Variants in CSMD1 observed in about 807,000 individuals in gnomAD.
CSMD1 encodes the protein CUB and Sushi multiple domains 1.
Under a neutral mutation model 417.5 loss-of-function variants are expected in CSMD1, and 213 were observed. That is an observed-to-expected ratio of 0.51 (90% confidence interval 0.46 to 0.57). The LOEUF is 0.57. CSMD1 is among the 20% of genes least tolerant of loss of function. CSMD1 has a pLI of 0.00. For synonymous variants in CSMD1, 2,862 were observed against 1,736.8 expected (o/e 1.65, Z -16.11); for missense variants, 6,923 against 4,529.7 (o/e 1.53, Z -15.17).
chr8:3,975,638 G>A (rs1043122177), intron 5 of CSMD1, among the ~76,000 whole-genome samples: 10 of 152,152 alleles, frequency 6.6e-5, no homozygotes, highest in Admixed American at 3.3e-4. Context: ...GCCTGTAGGT[G>A]CCCAGCAGTG....
intron 7 of CSMD1, among the ~76,000 whole-genome samples, chr8:3,618,471 G>GTT (rs141443972): frequency 0.046 from 6,931 of 151,666 alleles, 191 homozygotes; most frequent in Middle Eastern, 0.078. Context: ...TTTAAAATAA[G>GTT]TTTTTTTTAA....
Position 4,860,155 on chromosome 8 carries a change from G to C in CSMD1, c.85+134177C>G, listed in dbSNP as rs529670436. Among the ~76,000 whole-genome samples the C allele has an allele frequency of 8.7e-5, 13 of 149,366 alleles. No individual in the cohort carries two copies. In the Admixed American group the frequency reaches 8.8e-4, roughly 10 times the overall value. ...AAATCATCATTCTCAGTAAACTATC[G>C]CAAGAACAAAAAACCAAACACCGCA... On this transcript the variant is annotated intron_variant, in intron 1 of 69. Coordinates refer to ENST00000635120, the MANE Select transcript of CSMD1 (RefSeq NM_033225.6).
At chr8:4,076,899 C>A (rs1322261160) in intron 3 of CSMD1, among the ~76,000 whole-genome samples, 3 of 152,120 alleles carry the variant, frequency 2.0e-5, no homozygotes, top group Admixed American at 6.6e-5. Context: ...TGAAGAACTA[C>A]TGAAATTTTG....
At chr8:3,884,942 T>C (rs2129123507) in intron 5 of CSMD1, among the ~76,000 whole-genome samples, 1 of 149,200 alleles carries the variant, frequency 6.7e-6, no homozygotes, top group African/African-American at 2.5e-5. Context: ...CATATATATA[T>C]ATACACACAC....
intron 2 of CSMD1, among the ~76,000 whole-genome samples, chr8:4,518,533 G>T (rs62479720): frequency 6.7e-6 from 1 of 149,304 alleles, no homozygotes; most frequent in African/African-American, 2.5e-5. Context: ...ACCAAACACC[G>T]CGTGCTCTCA....
At chr8:3,493,754 T>G in intron 10 of CSMD1, 28 bp from the exon 11 acceptor site, 1 of 1,562,940 alleles carries the variant, frequency 6.4e-7, no homozygotes, top group South Asian at 1.2e-5. Context: ...AACAGTGACT[T>G]AGAACAACAG....
intron 2 of CSMD1, among the ~76,000 whole-genome samples, chr8:4,575,612 G>A (rs1799101018): frequency 2.6e-5 from 4 of 152,196 alleles, no homozygotes; most frequent in Admixed American, 2.6e-4. Context: ...TGGTAGACAT[G>A]TGGCTCAGTG....
intron 1 of CSMD1, among the ~76,000 whole-genome samples, chr8:4,967,410 A>C (rs568965201): frequency 1.3e-5 from 2 of 152,272 alleles, no homozygotes; most frequent in East Asian, 3.9e-4. Flanking sequence ...ACATATTGAT[A>C]AATAACTACA....
At chr8:3,942,269 G>T (rs372603584) in intron 5 of CSMD1, among the ~76,000 whole-genome samples, 10 of 152,208 alleles carry the variant, frequency 6.6e-5, no homozygotes, top group African/African-American at 2.2e-4. Flanking sequence ...CACCATAAAT[G>T]TAATGCGCTT....
At chr8:2,986,324 C>A (rs73657535) in intron 54 of CSMD1, among the ~76,000 whole-genome samples, 5 of 152,166 alleles carry the variant, frequency 3.3e-5, no homozygotes, top group African/African-American at 1.2e-4. Flanking sequence ...TTCCTTGATT[C>A]TTCATCTAAG....
intron 5 of CSMD1, among the ~76,000 whole-genome samples, chr8:3,779,382 C>T (rs1799057868): frequency 6.6e-6 from 1 of 152,080 alleles, no homozygotes; most frequent in South Asian, 2.1e-4. Context: ...GAAGAAGGGG[C>T]TTCAGAAACC....
chr8:3,361,191 G>A (rs6986914), intron 20 of CSMD1, among the ~76,000 whole-genome samples: 34,974 of 151,934 alleles, frequency 0.23, 4,107 homozygotes, highest in African/African-American at 0.27. Flanking sequence ...CCTATCATAC[G>A]TTTACTTTTT....
chr8:3,258,495 C>G (rs942356947), intron 26 of CSMD1, among the ~76,000 whole-genome samples: 19 of 152,052 alleles, frequency 1.2e-4, no homozygotes, highest in African/African-American at 4.6e-4. Flanking sequence ...ACTGTTTGTG[C>G]AAATGTAAAT....
intron 2 of CSMD1, among the ~76,000 whole-genome samples, chr8:4,437,577 G>T (rs897605313): frequency 2.0e-5 from 3 of 152,160 alleles, no homozygotes; most frequent in African/African-American, 4.8e-5. Flanking sequence ...CAGACTATCA[G>T]GTTTAAAATG....
At chr8:4,522,890 C>G (rs949430558) in intron 2 of CSMD1, among the ~76,000 whole-genome samples, 2 of 152,286 alleles carry the variant, frequency 1.3e-5, no homozygotes, top group Admixed American at 1.3e-4. Context: ...AGCTTACTTC[C>G]ATAATCCTAA....
chr8:3,712,265 C>A (rs953393926), intron 6 of CSMD1, among the ~76,000 whole-genome samples: 17 of 152,114 alleles, frequency 1.1e-4, no homozygotes. Flanking sequence ...CACTTCTCCC[C>A]ACACGTTTTT....
At chr8:4,557,636 C>T (rs1421263990) in intron 2 of CSMD1, among the ~76,000 whole-genome samples, 3 of 150,358 alleles carry the variant, frequency 2.0e-5, no homozygotes, top group East Asian at 2.0e-4. Context: ...TATCCCAGAA[C>T]AGAAAGGAAG....
At chr8:3,597,911 AC>A (rs1335303608) in intron 8 of CSMD1, among the ~76,000 whole-genome samples, 1 of 152,164 alleles carries the variant, frequency 6.6e-6, no homozygotes, top group Non-Finnish European at 1.5e-5. Context: ...GGTGCAGCAA[AC>A]CAACATGGCA....
At chr8:4,270,376 G>A (rs1804510673) in intron 3 of CSMD1, among the ~76,000 whole-genome samples, 1 of 151,614 alleles carries the variant, frequency 6.6e-6, no homozygotes. Context: ...GTTCTCCTTC[G>A]TCTCCATCCA....
Sources: allele counts gnomAD v4.1 joint callset (sites outside exome capture counted in the v4.1 genomes callset), GRCh38; gene constraint gnomAD v4.1.1; transcripts MANE v1.5; gene names NCBI Gene and HGNC (gene_info 2026-07-23, HGNC 2026-07-21).